The following RNF138 variants were observed in gnomAD, a reference collection of about 807,000 sequenced individuals.
RNF138 encodes ring finger protein 138.
Under a neutral mutation model 31.0 loss-of-function variants are expected in RNF138, and 12 were observed. The ratio of observed to expected loss-of-function variants is 0.39; its 90% CI spans 0.25 to 0.63. RNF138 has a LOEUF of 0.63. Among genes scored for constraint, RNF138 ranks in the 20% least tolerant of loss-of-function variants. The pLI is 0.52. For synonymous variants in RNF138, 105 were observed against 99.5 expected, an observed-to-expected ratio of 1.06 and a Z score of -0.33; for missense variants, 192 against 300.1, an observed-to-expected ratio of 0.64 and a Z score of 2.66.
intron 2 of RNF138, among the ~76,000 whole-genome samples, chr18:32,095,709 AG>A (rs1477978396): frequency 2.6e-5 from 4 of 152,246 alleles, no homozygotes; most frequent in Non-Finnish European, 4.4e-5. Context: ...AAAAGGAGCA[AG>A]TTCATTATCA....
At chr18:32,115,407 C>T (rs925872966) in intron 4 of RNF138, among the ~76,000 whole-genome samples, 1 of 152,250 alleles carries the variant, frequency 6.6e-6, no homozygotes, top group Non-Finnish European at 1.5e-5. Flanking sequence ...ATCCTCTAAT[C>T]TGTTTTACAT....
At chr18:32,121,503 G>GA (rs1325437406) in intron 4 of RNF138, among the ~76,000 whole-genome samples, 3 of 151,908 alleles carry the variant, frequency 2.0e-5, no homozygotes, top group Admixed American at 6.6e-5. Context: ...CTCAAAAAAA[G>GA]AAAAAAGTTT....
At chr18:32,115,050 G>A (rs2040193016) in intron 4 of RNF138, among the ~76,000 whole-genome samples, 1 of 151,772 alleles carries the variant, frequency 6.6e-6, no homozygotes, top group Admixed American at 6.6e-5. Context: ...TCATTTCTAT[G>A]TTTTTCTTAT....
rs1452741885 is a variant in RNF138 at position 32,111,509 on chromosome 18, ATTATG to A, written c.111-241_111-237del. Among the ~76,000 whole-genome samples, 7 of 146,498 alleles carry A rather than the reference ATTATG, an allele frequency of 4.8e-5. No homozygotes were observed. In the East Asian group the frequency reaches 1.3e-3, roughly 28 times the overall value. On this transcript the variant is annotated intron_variant, in intron 2 of 7. Coordinates refer to ENST00000261593, the MANE Select transcript of RNF138 (RefSeq NM_016271.5). ...TAGCATTAATATTTATTCATCATAT[ATTATG>A]TTAAGAAGTTGTAAAGCAGACTTGA...
At chr18:32,092,436 T>C (rs2039708678) in intron 1 of RNF138, among the ~76,000 whole-genome samples, 1 of 145,626 alleles carries the variant, frequency 6.9e-6, no homozygotes. Flanking sequence ...GGTGAGGGCG[T>C]GGCCTAGAGC....
intron 6 of RNF138, chr18:32,125,294 A>G (rs563960666): frequency 9.8e-5 from 15 of 153,294 alleles, no homozygotes; most frequent in African/African-American, 3.6e-4. Flanking sequence ...TGAATGCATA[A>G]AGCAAGGAAG....
intron 2 of RNF138, among the ~76,000 whole-genome samples, chr18:32,108,079 T>G (rs2040066444): frequency 6.6e-6 from 1 of 151,598 alleles, no homozygotes; most frequent in African/African-American, 2.4e-5. Flanking sequence ...GGTCTTGACC[T>G]CCTGACTTCA....
At chr18:32,115,077 T>C (rs1484155604) in intron 4 of RNF138, among the ~76,000 whole-genome samples, 1 of 152,204 alleles carries the variant, frequency 6.6e-6, no homozygotes, top group Non-Finnish European at 1.5e-5. Flanking sequence ...ACTTCTACTT[T>C]ATTGTAATTT....
chr18:32,127,174 G>A (rs1015663894), intron 7 of RNF138, among the ~76,000 whole-genome samples: 9 of 152,116 alleles, frequency 5.9e-5, no homozygotes, highest in African/African-American at 2.2e-4. Context: ...CTTGTATTAT[G>A]CTAGAAATCT....
At chr18:32,092,500 T>A in intron 1 of RNF138, 200 bp from the exon 2 acceptor site, 1 of 426,240 alleles carries the variant, frequency 2.3e-6, no homozygotes, top group Non-Finnish European at 4.2e-6. Flanking sequence ...GCCCACGGCA[T>A]GCTGCGAGCC....
At chr18:32,124,410 A>G (rs947555991) in intron 5 of RNF138, 3 of 208,836 alleles carry the variant, frequency 1.4e-5, no homozygotes, top group African/African-American at 2.3e-5. Flanking sequence ...AGTGACAGCT[A>G]TTGGCATCAG....
chr18:32,119,577 C>T (rs1343390358), intron 4 of RNF138, among the ~76,000 whole-genome samples: 2 of 152,166 alleles, frequency 1.3e-5, no homozygotes, highest in Non-Finnish European at 2.9e-5. Context: ...GCATGTGCCA[C>T]CACGCCTGGC....
chr18:32,125,395 G>A (rs549475787), intron 6 of RNF138, among the ~76,000 whole-genome samples: 24 of 152,236 alleles, frequency 1.6e-4, no homozygotes, highest in African/African-American at 5.1e-4. Context: ...TGATAATGAG[G>A]GAGATAGAGC....
At chr18:32,100,760 G>A (rs2039921976) in intron 2 of RNF138, among the ~76,000 whole-genome samples, 1 of 151,980 alleles carries the variant, frequency 6.6e-6, no homozygotes, top group South Asian at 2.1e-4. Flanking sequence ...ACAGGCGTGA[G>A]CCCCCGCGCC....
chr18:32,108,876 C>T (rs1046941457), intron 2 of RNF138, among the ~76,000 whole-genome samples: 7 of 152,100 alleles, frequency 4.6e-5, no homozygotes, highest in African/African-American at 1.7e-4. Flanking sequence ...GGAGCAAAGT[C>T]TCACTATGTT....
chr18:32,106,710 G>A lies in RNF138; in HGVS notation c.111-5044G>A, dbSNP rs142266363. On this transcript the variant is annotated intron_variant, in intron 2 of 7. Transcript: ENST00000261593. ...CTCTTGAGTAGCTGGGACTACAGGC[G>A]CCCGTCACCATGCCTAGCTAATTTT... Among the ~76,000 whole-genome samples, 1,466 of 151,734 alleles carry A rather than the reference G, an allele frequency of 9.7e-3. 23 individuals carry two copies. Among genetic ancestry groups the A allele is most frequent in the African/African-American group, 0.033 (1,372 of 41,324 alleles).
intron 2 of RNF138, among the ~76,000 whole-genome samples, chr18:32,096,686 A>C (rs1331281395): frequency 6.6e-6 from 1 of 152,238 alleles, no homozygotes; most frequent in Non-Finnish European, 1.5e-5. Flanking sequence ...TTAAGGAAGC[A>C]GTCAGCATTT....
intron 1 of RNF138, among the ~76,000 whole-genome samples, 172 bp downstream of exon 1, chr18:32,092,407 G>A (rs943409890): frequency 7.2e-5 from 11 of 151,918 alleles, no homozygotes; most frequent in African/African-American, 2.4e-4. Flanking sequence ...GGCGGGGCGC[G>A]AGCCCGCGCC....
At chr18:32,102,007 G>A (rs950709101) in intron 2 of RNF138, among the ~76,000 whole-genome samples, 4 of 150,494 alleles carry the variant, frequency 2.7e-5, no homozygotes, top group Non-Finnish European at 5.9e-5. Context: ...CTCCCAAGTA[G>A]CTGGGACTAC....
Sources: allele counts gnomAD v4.1 joint callset (sites outside exome capture counted in the v4.1 genomes callset), GRCh38; gene constraint gnomAD v4.1.1; transcripts MANE v1.5; gene names NCBI Gene and HGNC (gene_info 2026-07-23, HGNC 2026-07-21).